The following E2F2 variants were observed in gnomAD, a reference collection of about 807,000 sequenced individuals.
E2F2 encodes transcription factor E2F2.
Under a neutral mutation model 42.2 loss-of-function variants are expected in E2F2, and 22 were observed. The ratio of observed to expected loss-of-function variants is 0.52; its 90% CI spans 0.37 to 0.74. The LOEUF is 0.74. Ranked by LOEUF, E2F2 falls within the 30% of genes least tolerant of loss-of-function variation. The pLI, the probability that E2F2 is intolerant of heterozygous loss-of-function variation, is 0.00. For missense variants in E2F2, 481 were observed against 557.8 expected, an observed-to-expected ratio of 0.86 and a Z score of 1.39; for synonymous variants, 248 against 251.6, an observed-to-expected ratio of 0.99 and a Z score of 0.13.
chr1:23,511,483 G>C (rs113094182), intron 6 of E2F2, among the ~76,000 whole-genome samples: 70 of 144,892 alleles, frequency 4.8e-4, no homozygotes, highest in African/African-American at 2.0e-3. Context: ...CAATCCTCCT[G>C]CCTCAGCCTC....
chr1:23,509,878 AC>A lies in E2F2; in HGVS notation c.*1del. The A allele has an allele frequency of 6.5e-7, 1 of 1,531,642 alleles. No individual in the cohort carries two copies. Among genetic ancestry groups the A allele is most frequent in the Admixed American group, 1.9e-5 (1 of 51,622 alleles). The allele number at this position is 1,531,642 out of a possible 1,614,324, so 94.9% of individuals were successfully genotyped here. A position where few individuals can be genotyped will look rare whatever the true frequency, so the allele number is the denominator to read the frequency against. Reference sequence around the variant, plus strand: ...CAGGCTGCTGGGGGCAGGCAGGGCCACTCAATTAATCAACAGGTCCCCAAGG... The same window carrying A: ...CAGGCTGCTGGGGGCAGGCAGGGCCATCAATTAATCAACAGGTCCCCAAGG... On this transcript the variant is annotated 3_prime_UTR_variant, in exon 7 of 7. Coordinates refer to ENST00000361729, the MANE Select transcript of E2F2 (RefSeq NM_004091.4).
intron 6 of E2F2, 150 bp downstream of exon 6, chr1:23,516,185 G>A: frequency 1.8e-6 from 2 of 1,098,268 alleles, no homozygotes; most frequent in Non-Finnish European, 2.4e-6. Flanking sequence ...GCTTTATAAA[G>A]CATTAAGTAC....
intron 6 of E2F2, among the ~76,000 whole-genome samples, chr1:23,512,051 C>G (rs529125163): frequency 3.6e-4 from 55 of 151,998 alleles, no homozygotes; most frequent in Middle Eastern, 3.4e-3. Flanking sequence ...TACAGAAATT[C>G]GCTGGGTATG....
In E2F2 at chr1:23,520,235, C is replaced by T. The variant is rs572745880; in HGVS notation, c.737+678G>A. 2.4e-4 allele frequency among the ~76,000 whole-genome samples: 27 copies of T among 113,836 alleles called. No individual in the cohort carries two copies. The East Asian group carries it at 4.3e-3, about 18-fold the overall frequency. 74.7% of individuals were successfully genotyped at this position (113,836 alleles called of 152,430 possible). ...CACTCCATCCTGGGCAAGAGTGAGACTCTGTCTCAAAAAAAAAAAAAAAAA... is the reference window on the plus strand; with the variant it reads ...CACTCCATCCTGGGCAAGAGTGAGATTCTGTCTCAAAAAAAAAAAAAAAAA... On this transcript the variant is annotated intron_variant, in intron 4 of 6. Coordinates refer to ENST00000361729, the MANE Select transcript of E2F2 (RefSeq NM_004091.4).
At chr1:23,523,096 G>C (rs1643182929) in intron 2 of E2F2, among the ~76,000 whole-genome samples, 1 of 151,888 alleles carries the variant, frequency 6.6e-6, no homozygotes, top group Non-Finnish European at 1.5e-5. Context: ...ATCCTACCTG[G>C]ACCCCCAAAA....
At position 23,510,130 on chromosome 1, in the gene E2F2, G is replaced by A; in HGVS notation, c.1064C>T (p.Thr355Ile). ...TASSVPAPAPTPQQAPPPPSL... is the reference protein window; with the variant it reads ...TASSVPAPAPIPQQAPPPPSL... Reference sequence around the variant, plus strand: ...TGGAGGCGGTGGGGCCTGCTGGGGGGTTGGCGCTGGTGCTGGCACTGGAGA... The same window carrying A: ...TGGAGGCGGTGGGGCCTGCTGGGGGATTGGCGCTGGTGCTGGCACTGGAGA... Residue 355 changes from threonine (T) to isoleucine (I), a missense_variant, in exon 7 of 7, where the codon ACC becomes ATC. Transcript: ENST00000361729. 4 of 1,600,650 alleles carry A rather than the reference G, an allele frequency of 2.5e-6. No homozygotes were observed. Among genetic ancestry groups the A allele is most frequent in the Non-Finnish European group, 3.4e-6 (4 of 1,174,280 alleles).
chr1:23,524,355 C>T (rs200451472), intron 2 of E2F2, 28 bp downstream of exon 2: 9 of 1,524,664 alleles, frequency 5.9e-6, no homozygotes, highest in African/African-American at 5.5e-5. Context: ...CCCCACCCCA[C>T]CCCAGAGGCC....
intron 6 of E2F2, among the ~76,000 whole-genome samples, chr1:23,513,104 G>C (rs1181021883): frequency 6.7e-6 from 1 of 149,864 alleles, no homozygotes; most frequent in African/African-American, 2.4e-5. Flanking sequence ...GTGCCACCGC[G>C]GCTGGCCACA....
intron 6 of E2F2, among the ~76,000 whole-genome samples, chr1:23,513,649 T>C (rs1050479842): frequency 7.1e-6 from 1 of 141,764 alleles, no homozygotes; most frequent in South Asian, 2.2e-4. Flanking sequence ...GAGGCGGAGG[T>C]TGCAGTGAGC....
chr1:23,510,129 G>A lies in E2F2; in HGVS notation c.1065C>T (p.Thr355=), dbSNP rs756781681. 1.9e-6 allele frequency: 3 copies of A among 1,600,234 alleles called. No homozygotes were observed. The highest frequency in any genetic ancestry group is 1.1e-5 in the South Asian group (1 of 88,512). ...ATGGAGGCGGTGGGGCCTGCTGGGG[G>A]GTTGGCGCTGGTGCTGGCACTGGAG... is the stretch of plus-strand genomic sequence containing the variant. ...TASSVPAPAP[T]PQQAPPPPSL... Residue 355 remains threonine, a synonymous_variant, in exon 7 of 7, where the codon ACC becomes ACT. Transcript: ENST00000361729.
downstream of E2F2, among the ~76,000 whole-genome samples, chr1:23,505,882 G>A (rs1432987824): frequency 1.3e-5 from 2 of 151,944 alleles, no homozygotes. Context: ...TGCATCCTCT[G>A]CCTCCTGGGT....
chr1:23,516,921 A>G (rs990936309), intron 5 of E2F2, among the ~76,000 whole-genome samples: 15 of 151,956 alleles, frequency 9.9e-5, no homozygotes. Flanking sequence ...AACCAGCACT[A>G]GGCCCAGGAC....
chr1:23,530,497 AC>A lies in E2F2; in HGVS notation c.252+44del, dbSNP rs759993085. On this transcript the variant is annotated intron_variant, in intron 1 of 6. Coordinates refer to ENST00000361729, the MANE Select transcript of E2F2 (RefSeq NM_004091.4). The surrounding 1 kb of genome is among the most constrained non-coding windows in gnomAD (Gnocchi z 4.4). ...CAGGCACCCCTCCCTCCTTTCCCAC[AC>A]CTGGAAAAGCATAGGGGGAAGCGGT... is the stretch of plus-strand genomic sequence containing the variant. The A allele has an allele frequency of 8.1e-6, 13 of 1,600,986 alleles. No homozygotes were observed. The highest frequency in any genetic ancestry group is 8.5e-7 in the Non-Finnish European group (1 of 1,174,050).
At position 23,508,533 on chromosome 1, in the gene E2F2, T is replaced by C. The variant is rs934775471; in HGVS notation, c.*1347A>G. ...GCTGAGCTGAAGGGACAATGTGGGA[T>C]GATCAAGCCTCTGGGGGAACAGGCT... is the stretch of plus-strand genomic sequence containing the variant. On this transcript the variant is annotated 3_prime_UTR_variant, in exon 7 of 7. Coordinates refer to ENST00000361729, the MANE Select transcript of E2F2 (RefSeq NM_004091.4). The C allele has an allele frequency of 6.6e-5, 10 of 152,242 alleles. No homozygotes were observed. Among genetic ancestry groups the C allele is most frequent in the Admixed American group, 6.6e-4 (10 of 15,262 alleles). 9.4% of individuals were successfully genotyped at this position (152,242 alleles called of 1,614,324 possible).
At chr1:23,516,798 CGGGGGG>C (rs71023283) in intron 5 of E2F2, among the ~76,000 whole-genome samples, 1 of 81,782 alleles carries the variant, frequency 1.2e-5, no homozygotes, top group Non-Finnish European at 2.2e-5. Flanking sequence ...AGTTTTGGGG[CGGGGGG>C]GGGGGGGCAG....
rs1344918012 is a variant in E2F2 at position 23,509,145 on chromosome 1, A to G, written c.*735T>C. The stretch of plus-strand genomic sequence containing the variant: ...CAGGAGCCTCAGTGCTACCTGCCCT[A>G]GGATGGCTCCCTGGGACCATCTCTG... On this transcript the variant is annotated 3_prime_UTR_variant, in exon 7 of 7. Transcript: ENST00000361729. The G allele has an allele frequency of 2.0e-5, 3 of 152,176 alleles. No individual in the cohort carries two copies. Among genetic ancestry groups the G allele is most frequent in the African/African-American group, 7.2e-5 (3 of 41,440 alleles). The allele number at this position is 152,176 out of a possible 1,614,324, so 9.4% of individuals were successfully genotyped here. A position where few individuals can be genotyped will look rare whatever the true frequency, so the allele number is the denominator to read the frequency against.
At chr1:23,524,309 A>G (rs565602555) in intron 2 of E2F2, 74 bp downstream of exon 2, 1 of 1,129,712 alleles carries the variant, frequency 8.9e-7, no homozygotes, top group Non-Finnish European at 1.2e-6. Flanking sequence ...AAATATGACT[A>G]CCAGTGATTG....
chr1:23,505,734 C>A (rs763474426), downstream of E2F2, among the ~76,000 whole-genome samples: 2 of 152,106 alleles, frequency 1.3e-5, no homozygotes, highest in Admixed American at 1.3e-4. Flanking sequence ...AGGATGATCT[C>A]AATCTCCTGA....
chr1:23,528,991 T>C (rs375610896), intron 1 of E2F2, among the ~76,000 whole-genome samples: 4 of 152,204 alleles, frequency 2.6e-5, no homozygotes, highest in African/African-American at 9.6e-5. Flanking sequence ...GGCAAGAGGA[T>C]TGCTTGAGCC....
Sources: allele counts gnomAD v4.1 joint callset (sites outside exome capture counted in the v4.1 genomes callset), GRCh38; gene constraint gnomAD v4.1.1; non-coding constraint Gnocchi (gnomAD v3.1); transcripts MANE v1.5; gene names NCBI Gene and HGNC (gene_info 2026-07-23, HGNC 2026-07-21).